Variants in DRP2 observed in about 807,000 individuals in gnomAD.
DRP2 encodes dystrophin-related protein 2.
DRP2 carries 29 observed loss-of-function variants against 78.2 expected under a neutral mutation model. The ratio of observed to expected loss-of-function variants is 0.37; its 90% confidence interval spans 0.28 to 0.51. DRP2 has a LOEUF of 0.51. DRP2 is among the 20% of genes least tolerant of loss of function. DRP2 has a pLI of 0.94. For synonymous variants in DRP2, 290 were observed against 281.9 expected (o/e 1.03, Z -0.29); for missense variants, 686 against 770.6 (o/e 0.89, Z 1.30).
intron 9 of DRP2, among the ~76,000 whole-genome samples, chrX:101,243,414 AAAC>A (rs201716310): frequency 0.14 from 14,527 of 100,847 alleles, 1,484 homozygotes; most frequent in African/African-American, 0.33. Flanking sequence ...AAAAAAAAAA[AAAC>A]ACAATCTCTC....
chrX:101,249,981 C>T (rs1042520465), intron 14 of DRP2, among the ~76,000 whole-genome samples: 1 of 111,849 alleles, frequency 8.9e-6, no homozygotes, highest in Non-Finnish European at 1.9e-5. Context: ...CAGTGTCAGA[C>T]TACATAAACA....
At chrX:101,234,397 G>A (rs1922411634) in intron 3 of DRP2, among the ~76,000 whole-genome samples, 1 of 113,320 alleles carries the variant, frequency 8.8e-6, no homozygotes, top group African/African-American at 3.2e-5. Flanking sequence ...CCCTGGTGTG[G>A]CAGGCCCAGT....
In DRP2 at chrX:101,232,329, G is replaced by A. The variant is rs1811949403; in HGVS notation, c.117+565G>A. Among the ~76,000 whole-genome samples, 3 of 111,564 alleles carry A rather than the reference G, an allele frequency of 2.7e-5. 1 individual carries two copies. The highest frequency in any genetic ancestry group is 7.6e-4 in the South Asian group (2 of 2,628). On this transcript the variant is annotated intron_variant, in intron 3 of 23. Coordinates refer to ENST00000395209, the MANE Select transcript of DRP2 (RefSeq NM_001939.3). ...GTTGGTAGGCAGGTAGAGGATGTGT[G>A]TGAGACAGTAGAGAGGGCAGCCCCC...
chrX:101,223,155 C>A (rs1288627177), intron 1 of DRP2, among the ~76,000 whole-genome samples: 1 of 110,808 alleles, frequency 9.0e-6, no homozygotes. Context: ...GGTGGCACCA[C>A]CATGCCCAGC....
intron 3 of DRP2, among the ~76,000 whole-genome samples, chrX:101,234,873 T>C (rs186194418): frequency 4.3e-4 from 47 of 109,590 alleles, no homozygotes; most frequent in African/African-American, 1.5e-3. Flanking sequence ...ACTACAAGAG[T>C]CTTGGCCACT....
At chrX:101,245,275 C>T (rs757718978) in intron 10 of DRP2, 113 bp from the exon 11 acceptor site, 24 of 881,994 alleles carry the variant, frequency 2.7e-5, no homozygotes, top group South Asian at 4.7e-5. Context: ...TGGGTTTACC[C>T]TCGAACCCTG....
At chrX:101,252,795 C>T (rs1170687259) in intron 17 of DRP2, 79 bp downstream of exon 17, 4 of 815,147 alleles carry the variant, frequency 4.9e-6, no homozygotes, top group South Asian at 5.3e-5. Flanking sequence ...CCAGCATTGG[C>T]TCATTGTTTT....
chrX:101,222,057 G>T (rs138387904), intron 1 of DRP2, among the ~76,000 whole-genome samples: 1,300 of 110,164 alleles, frequency 0.012, 8 homozygotes, highest in Middle Eastern at 0.088. Context: ...AAGTGTTGGG[G>T]GTGTGTGTGT....
intron 1 of DRP2, among the ~76,000 whole-genome samples, chrX:101,221,734 C>T (rs1921900145): frequency 8.9e-6 from 1 of 111,962 alleles, no homozygotes; most frequent in Admixed American, 9.5e-5. Flanking sequence ...AGCACATCTG[C>T]GATTCAGCCC....
In DRP2 at chrX:101,255,263, G is replaced by A; in HGVS notation, c.2246+14G>A. 4.1e-6 allele frequency: 5 copies of A among 1,205,509 alleles called. No individual in the cohort carries two copies. Among genetic ancestry groups the A allele is most frequent in the African/African-American group, 1.7e-5 (1 of 57,687 alleles). ...AGATGACAGCATGTGAGTTTCCACA[G>A]CTGCTTATTTGCCAGAAATAGTTCT... On this transcript the variant is annotated intron_variant, in intron 20 of 23. Transcript: ENST00000395209.
rs1163842889 is a variant in DRP2 at position 101,258,480 on chromosome X, G to A, written c.2562G>A (p.Gln854=). ...AGAGCCGCCTGGAGACGCGCATGCA[G>A]ATCCTCGAAGATCACAACAAGCAGC... ...QHKSRLETRM[Q]ILEDHNKQLE... The change falls in exon 22 of 24, where the codon CAG becomes CAA. Residue 854 remains glutamine, a synonymous_variant. Transcript: ENST00000395209. The A allele has an allele frequency of 8.4e-7, 1 of 1,194,172 alleles. No individual in the cohort carries two copies. Among genetic ancestry groups the A allele is most frequent in the Admixed American group, 2.3e-5 (1 of 43,492 alleles).
Position 101,263,646 on chromosome X carries a change from C to A in DRP2, c.*3025C>A, listed in dbSNP as rs1435817458. 1 of 111,805 alleles carries A rather than the reference C, an allele frequency of 8.9e-6. No homozygotes were observed. Among genetic ancestry groups the A allele is most frequent in the Non-Finnish European group, 1.9e-5 (1 of 53,117 alleles). 9.2% of individuals were successfully genotyped at this position (111,805 alleles called of 1,213,427 possible). ...ATGCTTCCCTAGGGAGGACATGTGC[C>A]CTTCCCTCCAGATTAGAAAGGCTAG... On this transcript the variant is annotated 3_prime_UTR_variant, in exon 24 of 24. Coordinates refer to ENST00000395209, the MANE Select transcript of DRP2 (RefSeq NM_001939.3).
In DRP2 at chrX:101,264,400, T is replaced by A. The variant is rs1425456364; in HGVS notation, c.*3779T>A. 2 of 111,838 alleles carry A rather than the reference T, an allele frequency of 1.8e-5. No homozygotes were observed. The highest frequency in any genetic ancestry group is 3.8e-5 in the Non-Finnish European group (2 of 53,161). The allele number at this position is 111,838 out of a possible 1,213,427, so 9.2% of individuals were successfully genotyped here. ...AAGTCTAGGGGACAAAGGGACAGGG[T>A]TGGGAACAAATTGGTTAACTTTGAT... is the stretch of plus-strand genomic sequence containing the variant. On this transcript the variant is annotated 3_prime_UTR_variant, in exon 24 of 24. Coordinates refer to ENST00000395209, the MANE Select transcript of DRP2 (RefSeq NM_001939.3).
In DRP2 at chrX:101,238,964, A is replaced by G; in HGVS notation, c.439-17A>G. On this transcript the variant is annotated splice_polypyrimidine_tract_variant and intron_variant, in intron 5 of 23. Coordinates refer to ENST00000395209, the MANE Select transcript of DRP2 (RefSeq NM_001939.3). Reference sequence around the variant, plus strand: ...AAAACTTTCCTTTCCTGTTGACCATATTGCTAAACTTTATAGGCCTTTATG... The same window carrying G: ...AAAACTTTCCTTTCCTGTTGACCATGTTGCTAAACTTTATAGGCCTTTATG... 1 of 1,204,281 alleles carries G rather than the reference A, an allele frequency of 8.3e-7. No homozygotes were observed. The highest frequency in any genetic ancestry group is 1.1e-6 in the Non-Finnish European group (1 of 892,181).
chrX:101,239,857 G>T (rs191154687), intron 6 of DRP2, among the ~76,000 whole-genome samples: 32 of 110,848 alleles, frequency 2.9e-4, no homozygotes, highest in African/African-American at 7.9e-4. Context: ...GATTACAGGC[G>T]TGAGCCACCA....
intron 22 of DRP2, among the ~76,000 whole-genome samples, chrX:101,259,175 A>G (rs191127728): frequency 5.4e-5 from 6 of 112,122 alleles, no homozygotes; most frequent in Non-Finnish European, 9.4e-5. Flanking sequence ...CCAACTTCAT[A>G]GAATTGTGGT....
In DRP2 at chrX:101,239,064, A is replaced by C. The variant is rs764075813; in HGVS notation, c.522A>C (p.Pro174=). The change falls in exon 6 of 24, where the codon CCA becomes CCC. Residue 174 remains proline (P), a synonymous_variant. Transcript: ENST00000395209. ...CTCAGGCCTTCCTGTCCCAGCACCC[A>C]TTTGAGGAGTTAGAGGAGCCTCATT... The part of the protein sequence containing the change: ...ESAQAFLSQH[P]FEELEEPHSE... The C allele has an allele frequency of 8.3e-7, 1 of 1,211,100 alleles. No individual in the cohort carries two copies. Among genetic ancestry groups the C allele is most frequent in the Admixed American group, 2.2e-5 (1 of 45,999 alleles).
chrX:101,263,728 C>G lies in DRP2; in HGVS notation c.*3107C>G, dbSNP rs1305107513. ...AGGTCCAAGGTTGGGAACTATTTCCCTACAGAGAAATCTGTTTGAGTTTCT... is the reference window on the plus strand; with the variant it reads ...AGGTCCAAGGTTGGGAACTATTTCCGTACAGAGAAATCTGTTTGAGTTTCT... On this transcript the variant is annotated 3_prime_UTR_variant, in exon 24 of 24. Transcript: ENST00000395209. 1 of 112,023 alleles carries G rather than the reference C, an allele frequency of 8.9e-6. No individual in the cohort carries two copies. The highest frequency in any genetic ancestry group is 3.2e-5 in the African/African-American group (1 of 30,790). The allele number at this position is 112,023 out of a possible 1,213,427, so 9.2% of individuals were successfully genotyped here. A position where few individuals can be genotyped will look rare whatever the true frequency, so the allele number is the denominator to read the frequency against.
intron 22 of DRP2, 137 bp downstream of exon 22, chrX:101,258,683 T>G (rs2147354761): frequency 8.6e-6 from 4 of 463,743 alleles, no homozygotes; most frequent in East Asian, 4.6e-5. Flanking sequence ...TGAAGAGAAC[T>G]GGGCCTGCGG....
Sources: allele counts gnomAD v4.1 joint callset (sites outside exome capture counted in the v4.1 genomes callset), GRCh38; gene constraint gnomAD v4.1.1; transcripts MANE v1.5; gene names NCBI Gene and HGNC (gene_info 2026-07-23, HGNC 2026-07-21).